Variants in SCAPER observed in about 807,000 individuals in gnomAD.
SCAPER encodes S-phase cyclin A associated protein in the ER.
Under a neutral mutation model 182.2 loss-of-function variants are expected in SCAPER, and 98 were observed. The observed-to-expected ratio is 0.54, with a 90% confidence interval of 0.46 to 0.64. The LOEUF (loss-of-function observed/expected upper bound fraction) is 0.64, where lower values mean the gene tolerates loss of function less well. SCAPER is among the 30% of genes least tolerant of loss of function. The pLI is 0.00. For missense variants in SCAPER, 1,432 were observed against 1,690.0 expected, an observed-to-expected ratio of 0.85 and a Z score of 2.68; for synonymous variants, 605 against 564.6, an observed-to-expected ratio of 1.07 and a Z score of -1.01.
chr15:76,575,058 A>G (rs1294675916), intron 22 of SCAPER, among the ~76,000 whole-genome samples: 3 of 151,988 alleles, frequency 2.0e-5, no homozygotes, highest in Middle Eastern at 3.4e-3. Context: ...AATGTCCTAC[A>G]TTTCCTCTCT....
At chr15:76,823,703 G>A (rs917847725) in intron 5 of SCAPER, among the ~76,000 whole-genome samples, 3 of 151,720 alleles carry the variant, frequency 2.0e-5, no homozygotes, top group Non-Finnish European at 2.9e-5. Flanking sequence ...GTAATCCTTG[G>A]TGCCAAAAAA....
intron 22 of SCAPER, among the ~76,000 whole-genome samples, chr15:76,607,992 C>T (rs1037345618): frequency 6.6e-6 from 1 of 151,924 alleles, no homozygotes; most frequent in Admixed American, 6.6e-5. Context: ...GTAGTTTGAT[C>T]GTCTGAAGCC....
intron 29 of SCAPER, among the ~76,000 whole-genome samples, chr15:76,357,248 T>A (rs2141686785): frequency 6.6e-6 from 1 of 151,024 alleles, no homozygotes; most frequent in South Asian, 2.1e-4. Flanking sequence ...ACAAAGTGTA[T>A]ACACCGGTGT....
rs1208652039 is a variant in SCAPER, at chr15:76,373,506, G to A, written c.3855+2656C>T. ...CCCCTGAGCAGTTTGTAAGAGATCT[G>A]TGAACCTACTAGGCCTGGTCCACAG... is the stretch of plus-strand genomic sequence containing the variant. On this transcript the variant is annotated intron_variant, in intron 29 of 31. Coordinates refer to ENST00000563290, the MANE Select transcript of SCAPER (RefSeq NM_020843.4). Among the ~76,000 whole-genome samples the A allele has an allele frequency of 2.0e-5, 3 of 152,304 alleles. 1 individual carries two copies. The highest frequency in any genetic ancestry group is 4.4e-5 in the Non-Finnish European group (3 of 68,022).
At chr15:76,418,960 C>T (rs1264164699) in intron 26 of SCAPER, among the ~76,000 whole-genome samples, 1 of 152,214 alleles carries the variant, frequency 6.6e-6, no homozygotes, top group African/African-American at 2.4e-5. Flanking sequence ...GACCTCTGCA[C>T]AAATGTGCCT....
intron 21 of SCAPER, among the ~76,000 whole-genome samples, chr15:76,627,035 G>T (rs2052647921): frequency 6.6e-6 from 1 of 152,166 alleles, no homozygotes; most frequent in Non-Finnish European, 1.5e-5. Context: ...ATAATCTGAT[G>T]ATTTGGTTTT....
At position 76,866,113 on chromosome 15, in the gene SCAPER, A is replaced by G. The variant is rs573377141; in HGVS notation, c.7-3580T>C. Among the ~76,000 whole-genome samples the G allele has an allele frequency of 1.5e-4, 23 of 152,286 alleles. No individual in the cohort carries two copies. In the South Asian group the frequency reaches 4.8e-3, roughly 32 times the overall value. On this transcript the variant is annotated intron_variant, in intron 2 of 31. Coordinates refer to ENST00000563290, the MANE Select transcript of SCAPER (RefSeq NM_020843.4). ...GGCATCTATCATTTAGCATTGTTCT[A>G]ACCAAGGGTATCACTATTGCTTCCA...
chr15:76,680,411 G>GATGATGATAATAATA (rs1032738002), intron 20 of SCAPER, among the ~76,000 whole-genome samples: 9 of 142,594 alleles, frequency 6.3e-5, no homozygotes, highest in African/African-American at 2.4e-4. Flanking sequence ...TGATGATGAT[G>GATGATGATAATAATA]ATAATAATAA....
intron 17 of SCAPER, among the ~76,000 whole-genome samples, chr15:76,723,266 T>C (rs554889788): frequency 6.6e-6 from 1 of 152,348 alleles, no homozygotes; most frequent in East Asian, 1.9e-4. Flanking sequence ...TCCTGAGTTC[T>C]AGTTTGATTG....
intron 23 of SCAPER, among the ~76,000 whole-genome samples, chr15:76,517,118 T>C (rs1447973401): frequency 6.6e-6 from 1 of 152,046 alleles, no homozygotes; most frequent in Non-Finnish European, 1.5e-5. Context: ...TGTGGGAAAA[T>C]CTTGCATGTA....
At chr15:76,348,760 A>C in intron 31 of SCAPER, 24 bp from the exon 32 acceptor site, 1 of 1,377,506 alleles carries the variant, frequency 7.3e-7, no homozygotes, top group Non-Finnish European at 9.8e-7. Flanking sequence ...AAAAGAGAAA[A>C]AAGTTAAATA....
chr15:76,585,105 G>A (rs1271822739), intron 22 of SCAPER, among the ~76,000 whole-genome samples: 3 of 152,088 alleles, frequency 2.0e-5, no homozygotes, highest in Non-Finnish European at 4.4e-5. Flanking sequence ...CACACCATGT[G>A]TATAAACCCT....
chr15:76,728,835 A>C, intron 16 of SCAPER, 98 bp from the exon 17 acceptor site: 1 of 1,291,178 alleles, frequency 7.7e-7, no homozygotes, highest in Non-Finnish European at 1.0e-6. Context: ...TGTTCAAGCC[A>C]AGTAGAAACA....
At chr15:76,660,866 T>C (rs550179811) in intron 21 of SCAPER, among the ~76,000 whole-genome samples, 58 of 152,224 alleles carry the variant, frequency 3.8e-4, no homozygotes, top group African/African-American at 1.3e-3. Context: ...ATAAGTCAAT[T>C]TGGCAATGTC....
chr15:76,460,105 T>C lies in SCAPER; in HGVS notation c.3078+11107A>G, dbSNP rs148426218. On this transcript the variant is annotated intron_variant, in intron 25 of 31. Coordinates refer to ENST00000563290, the MANE Select transcript of SCAPER (RefSeq NM_020843.4). ...ATATATGATTTTTTTTCTGTTTCTATGAAAAATGAAATTGGTGTTTTGATA... is the reference window on the plus strand; with the variant it reads ...ATATATGATTTTTTTTCTGTTTCTACGAAAAATGAAATTGGTGTTTTGATA... 5.3e-4 allele frequency among the ~76,000 whole-genome samples: 80 copies of C among 152,234 alleles called. 1 individual carries two copies. The highest frequency in any genetic ancestry group is 1.8e-3 in the African/African-American group (75 of 41,554).
At chr15:76,790,044 C>T (rs62029174) in intron 8 of SCAPER, among the ~76,000 whole-genome samples, 11,600 of 151,900 alleles carry the variant, frequency 0.076, 502 homozygotes, top group Middle Eastern at 0.1. Context: ...CTGGCTAACA[C>T]GGTGAAACCC....
At chr15:76,561,340 T>C (rs2046603251) in intron 23 of SCAPER, among the ~76,000 whole-genome samples, 1 of 152,224 alleles carries the variant, frequency 6.6e-6, no homozygotes. Context: ...ATGATATTTC[T>C]TACCTATTGT....
At chr15:76,799,292 T>TTC (rs2065577559) in intron 7 of SCAPER, among the ~76,000 whole-genome samples, 1 of 151,558 alleles carries the variant, frequency 6.6e-6, no homozygotes, top group South Asian at 2.1e-4. Context: ...CTGGAATTTT[T>TTC]TTTTTTTTTT....
At chr15:76,790,287 T>TA (rs2064914459) in intron 8 of SCAPER, among the ~76,000 whole-genome samples, 1 of 152,152 alleles carries the variant, frequency 6.6e-6, no homozygotes, top group African/African-American at 2.4e-5. Flanking sequence ...ATTTCCTTGT[T>TA]AGATTTTGAT....
Sources: allele counts gnomAD v4.1 joint callset (sites outside exome capture counted in the v4.1 genomes callset), GRCh38; gene constraint gnomAD v4.1.1; transcripts MANE v1.5; gene names NCBI Gene and HGNC (gene_info 2026-07-23, HGNC 2026-07-21).